CDCA7L: variants seen among roughly 807,000 people sequenced by gnomAD.
CDCA7L encodes cell division cycle-associated 7-like protein.
A neutral mutation model predicts 57.4 loss-of-function variants in CDCA7L; 44 were observed. That is an observed-to-expected ratio of 0.77 (90% CI 0.60 to 0.98). CDCA7L has a LOEUF of 0.98. CDCA7L is among the 50% of genes least tolerant of loss of function. The pLI is 0.00. For synonymous variants in CDCA7L, 236 were observed against 202.8 expected, an observed-to-expected ratio of 1.16 and a Z score of -1.39; for missense variants, 644 against 580.6, an observed-to-expected ratio of 1.11 and a Z score of -1.12.
rs1562614533 is a variant in CDCA7L at position 21,901,129 on chromosome 7, T to TACGAGTGCC, written c.*1184_*1192dup. ...GGACAGACAAGAAACCAAACAGACC[T>TACGAGTGCC]ACGAGTGCCCTGTGTATAGAACCAA... On this transcript the variant is annotated 3_prime_UTR_variant, in exon 10 of 10. Transcript: ENST00000406877. 2 of 1,613,928 alleles carry TACGAGTGCC rather than the reference T, an allele frequency of 1.2e-6. No homozygotes were observed. The highest frequency in any genetic ancestry group is 1.7e-6 in the Non-Finnish European group (2 of 1,179,856).
chr7:21,904,431 C>T (rs887367124), intron 7 of CDCA7L, among the ~76,000 whole-genome samples, 172 bp from the exon 8 acceptor site: 5 of 152,188 alleles, frequency 3.3e-5, no homozygotes, highest in Non-Finnish European at 7.4e-5. Context: ...GGGTCCCCAG[C>T]CCCCAGGCTA....
At chr7:21,930,531 C>T (rs1785973595) in intron 1 of CDCA7L, among the ~76,000 whole-genome samples, 1 of 151,670 alleles carries the variant, frequency 6.6e-6, no homozygotes, top group African/African-American at 2.4e-5. Context: ...CCTGTCTGTA[C>T]TAAAAACACA....
chr7:21,903,899 C>CA (rs869277498), intron 8 of CDCA7L: 126 of 249,088 alleles, frequency 5.1e-4, no homozygotes, highest in African/African-American at 3.3e-3. Flanking sequence ...GAAAATCTAA[C>CA]AACATTAATT....
chr7:21,911,105 C>T (rs533234010), intron 3 of CDCA7L, among the ~76,000 whole-genome samples: 2 of 136,594 alleles, frequency 1.5e-5, no homozygotes, highest in African/African-American at 5.3e-5. Flanking sequence ...TCTCAGCTCA[C>T]TGCAACCTCT....
intron 1 of CDCA7L, among the ~76,000 whole-genome samples, chr7:21,931,776 G>T: frequency 6.6e-6 from 1 of 152,160 alleles, no homozygotes; most frequent in East Asian, 1.9e-4. Context: ...TCCTATCCGT[G>T]AGCATGGAAT....
At chr7:21,915,941 G>A (rs1185751073) in intron 2 of CDCA7L, among the ~76,000 whole-genome samples, 1 of 152,176 alleles carries the variant, frequency 6.6e-6, no homozygotes, top group Admixed American at 6.5e-5. Flanking sequence ...GATGCCAAAT[G>A]AGATGAGGAC....
chr7:21,938,932 C>G (rs1444260878), intron 1 of CDCA7L, among the ~76,000 whole-genome samples: 1 of 152,056 alleles, frequency 6.6e-6, no homozygotes, highest in African/African-American at 2.4e-5. Flanking sequence ...ATCACTTGAG[C>G]CCAGGAGGTC....
Position 21,900,909 on chromosome 7 carries a change from C to G in CDCA7L, c.*1413G>C, listed in dbSNP as rs1784778094. ...ACTGACAAGCAAAAATATGACAAAA[C>G]CAGAATGTTGAATGTTTATTGCATC... On this transcript the variant is annotated 3_prime_UTR_variant, in exon 10 of 10. Transcript: ENST00000406877. 3.4e-6 allele frequency: 5 copies of G among 1,475,370 alleles called. No homozygotes were observed. In the Admixed American group the frequency reaches 7.2e-5, roughly 21 times the overall value. The allele number at this position is 1,475,370 out of a possible 1,614,324, so 91.4% of individuals were successfully genotyped here.
chr7:21,921,308 A>G (rs185008945), intron 1 of CDCA7L, among the ~76,000 whole-genome samples: 8 of 132,982 alleles, frequency 6.0e-5, no homozygotes, highest in Non-Finnish European at 1.2e-4. Context: ...AGGTATTAAA[A>G]GAGTTTCAGA....
At chr7:21,943,863 G>A (rs1786423346) in intron 1 of CDCA7L, among the ~76,000 whole-genome samples, 1 of 152,082 alleles carries the variant, frequency 6.6e-6, no homozygotes, top group Non-Finnish European at 1.5e-5. Flanking sequence ...CCAAAAATTA[G>A]CCTCATTGTG....
At position 21,904,349 on chromosome 7, in the gene CDCA7L, G is replaced by A. The variant is rs369005297; in HGVS notation, c.1048-90C>T. On this transcript the variant is annotated intron_variant, in intron 7 of 9. Coordinates refer to ENST00000406877, the MANE Select transcript of CDCA7L (RefSeq NM_018719.5). ...CCACCATGTGCATTTCCAAGTATATGAAGAAATACCCCCGTCTCCTCGAAT... is the reference window on the plus strand; with the variant it reads ...CCACCATGTGCATTTCCAAGTATATAAAGAAATACCCCCGTCTCCTCGAAT... 4.3e-5 allele frequency: 54 copies of A among 1,257,152 alleles called. No individual in the cohort carries two copies. In the African/African-American group the frequency reaches 7.2e-4, roughly 17 times the overall value. The allele number at this position is 1,257,152 out of a possible 1,614,324, so 77.9% of individuals were successfully genotyped here.
chr7:21,940,268 G>A (rs74747702), intron 1 of CDCA7L: 15,689 of 978,868 alleles, frequency 0.016, 129 homozygotes, highest in Non-Finnish European at 0.017. Flanking sequence ...TTACCTGGAA[G>A]GAAAAGAACC....
intron 6 of CDCA7L, 106 bp downstream of exon 6, chr7:21,906,172 TCAGCTGCCGCA>T: frequency 1.1e-6 from 1 of 940,472 alleles, no homozygotes; most frequent in Non-Finnish European, 1.6e-6. Flanking sequence ...ATGCAAGTTC[TCAGCTGCCGCA>T]GACCCACGGG....
At position 21,902,145 on chromosome 7, in the gene CDCA7L, T is replaced by TGTCTTC; in HGVS notation, c.*171_*176dup. The TGTCTTC allele has an allele frequency of 1.5e-6, 1 of 660,458 alleles. No homozygotes were observed. Among genetic ancestry groups the TGTCTTC allele is most frequent in the Non-Finnish European group, 2.7e-6 (1 of 370,888 alleles). 40.9% of individuals were successfully genotyped at this position (660,458 alleles called of 1,614,324 possible). A position where few individuals can be genotyped will look rare whatever the true frequency, so the allele number is the denominator to read the frequency against. ...ATCTATATAGATTCCTCTGCTCTGC[T>TGTCTTC]GTCTTCCTGAGAAATCTTTGTAAGC... On this transcript the variant is annotated 3_prime_UTR_variant, in exon 10 of 10. Coordinates refer to ENST00000406877, the MANE Select transcript of CDCA7L (RefSeq NM_018719.5).
intron 3 of CDCA7L, among the ~76,000 whole-genome samples, chr7:21,911,157 G>A (rs886908728): frequency 9.9e-5 from 15 of 151,290 alleles, no homozygotes; most frequent in Non-Finnish European, 2.9e-5. Flanking sequence ...CGCCTCCCGA[G>A]TAGCTTGGAT....
chr7:21,933,996 A>T (rs1786091605), intron 1 of CDCA7L, among the ~76,000 whole-genome samples: 1 of 152,078 alleles, frequency 6.6e-6, no homozygotes, highest in South Asian at 2.1e-4. Flanking sequence ...CCAAATAAAC[A>T]AAAGCCAAGG....
Position 21,901,329 on chromosome 7 carries a change from T to TTCTGGACCTTCAGGCTGAAGAGCGAAGA in CDCA7L, c.*992_*993insTCTTCGCTCTTCAGCCTGAAGGTCCAGA. On this transcript the variant is annotated 3_prime_UTR_variant, in exon 10 of 10. Transcript: ENST00000406877. ...CTAGCATGTTGCTGCACTGTTCCCA[T>TTCTGGACCTTCAGGCTGAAGAGCGAAGA]GCACATTATTCTAACTTTTTAGTAA... The TTCTGGACCTTCAGGCTGAAGAGCGAAGA allele has an allele frequency of 9.1e-6, 13 of 1,432,744 alleles. No individual in the cohort carries two copies. Among genetic ancestry groups the TTCTGGACCTTCAGGCTGAAGAGCGAAGA allele is most frequent in the Admixed American group, 2.4e-5 (1 of 42,306 alleles). The allele number at this position is 1,432,744 out of a possible 1,614,324, so 88.8% of individuals were successfully genotyped here.
At chr7:21,903,584 C>A (rs1055168206) in intron 8 of CDCA7L, among the ~76,000 whole-genome samples, 9 of 152,194 alleles carry the variant, frequency 5.9e-5, no homozygotes, top group African/African-American at 1.9e-4. Context: ...CACTCGGGAG[C>A]AGGACTGCCC....
intron 9 of CDCA7L, 33 bp downstream of exon 9, chr7:21,902,945 A>C: frequency 6.2e-7 from 1 of 1,602,080 alleles, no homozygotes; most frequent in Non-Finnish European, 8.5e-7. Context: ...CAAGATTTCA[A>C]GCTGTTTTGT....
Sources: gnomAD v4.1 joint callset for allele counts (sites outside exome capture counted in the v4.1 genomes callset) on GRCh38, gnomAD v4.1.1 for gene constraint, MANE v1.5 for transcripts, NCBI Gene and HGNC (gene_info 2026-07-23, HGNC 2026-07-21) for gene names.